Variants in NARS1 observed in about 807,000 individuals in gnomAD.
The protein encoded by NARS1 is asparagine--tRNA ligase, cytoplasmic.
Under a neutral mutation model 79.2 loss-of-function variants are expected in NARS1, and 65 were observed. That is an observed-to-expected ratio of 0.82 (90% CI 0.67 to 1.01). The LOEUF is 1.01. Ranked by LOEUF, NARS1 falls within the 50% of genes least tolerant of loss-of-function variation. The probability of loss-of-function intolerance (pLI) is 0.00; values close to 1 mark genes in which losing one functional copy is unlikely to be tolerated. For synonymous variants in NARS1, 229 were observed against 238.8 expected (o/e 0.96, Z 0.38); for missense variants, 649 against 673.8 (o/e 0.96, Z 0.41).
intron 11 of NARS1, among the ~76,000 whole-genome samples, chr18:57,605,610 C>CAAAAAAA (rs11285116): frequency 9.1e-6 from 1 of 109,656 alleles, no homozygotes; most frequent in Admixed American, 9.9e-5. Flanking sequence ...GACTCCGTCT[C>CAAAAAAA]AAAAAAAAAA....
intron 4 of NARS1, 89 bp downstream of exon 4, chr18:57,615,552 G>T: frequency 1.2e-6 from 1 of 845,194 alleles, no homozygotes. Context: ...AAATGTAAAG[G>T]AACAAACCAT....
chr18:57,608,205 C>T (rs1033759257), intron 7 of NARS1, among the ~76,000 whole-genome samples: 3 of 151,924 alleles, frequency 2.0e-5, no homozygotes, highest in African/African-American at 4.8e-5. Flanking sequence ...TGTCTGGGCA[C>T]GGTGGCTCAC....
intron 2 of NARS1, among the ~76,000 whole-genome samples, chr18:57,619,065 C>T (rs191199626): frequency 6.6e-6 from 1 of 152,064 alleles, no homozygotes; most frequent in African/African-American, 2.4e-5. Context: ...AGGGGATGCA[C>T]AGAAAAAGGA....
intron 6 of NARS1, among the ~76,000 whole-genome samples, chr18:57,610,884 TAAC>T (rs1458015005): frequency 2.6e-5 from 4 of 151,868 alleles, no homozygotes; most frequent in Admixed American, 2.6e-4. Flanking sequence ...TACGAACTGA[TAAC>T]AAGAATCTGG....
intron 5 of NARS1, 141 bp from the exon 6 acceptor site, chr18:57,611,848 T>C: frequency 3.0e-6 from 1 of 338,568 alleles, no homozygotes; most frequent in Non-Finnish European, 5.3e-6. Context: ...CTGCAGCCTC[T>C]ACCTCCTGGG....
chr18:57,605,231 T>C (rs1335361663), intron 11 of NARS1, among the ~76,000 whole-genome samples: 1 of 151,480 alleles, frequency 6.6e-6, no homozygotes, highest in African/African-American at 2.4e-5. Context: ...TAGAGAATGA[T>C]AAAGAGAGCT....
chr18:57,618,202 T>C (rs1181824224), intron 2 of NARS1, among the ~76,000 whole-genome samples: 1 of 150,666 alleles, frequency 6.6e-6, no homozygotes, highest in Non-Finnish European at 1.5e-5. Flanking sequence ...GCAGGGAGAA[T>C]TGCTTGAACC....
At chr18:57,612,665 A>G (rs1166882601) in intron 5 of NARS1, among the ~76,000 whole-genome samples, 6 of 152,168 alleles carry the variant, frequency 3.9e-5, no homozygotes, top group Non-Finnish European at 8.8e-5. Context: ...TGAACTCCTG[A>G]CCTCAGGCGA....
rs1360721640 is a variant in NARS1, at chr18:57,600,670, G to C, written c.*982C>G. On this transcript the variant is annotated 3_prime_UTR_variant, in exon 14 of 14. Transcript: ENST00000256854. ...AAGCCAGCAAAGAGTTTTTACGGGT[G>C]TTCATTTATTGACTGCTGGGAATAC... 6.6e-6 allele frequency: 1 copy of C among 152,196 alleles called. No homozygotes were observed. Among genetic ancestry groups the C allele is most frequent in the Non-Finnish European group, 1.5e-5 (1 of 68,022 alleles). 9.4% of individuals were successfully genotyped at this position (152,196 alleles called of 1,614,324 possible).
Position 57,611,706 on chromosome 18 carries a change from T to C in NARS1, c.423A>G (p.Gly141=), listed in dbSNP as rs146498109. ...GCAACACCAGAAACATTAAATTCTT[T>C]CCTAAAAAATGAGAAATAATAATTT... ...FGWVHRLRRQ[G]KNLMFLVLRD... is the part of the protein sequence containing the mutation. The change falls in exon 6 of 14, where the codon GGA becomes GGG. Residue 141 remains glycine, a splice_region_variant and synonymous_variant. Transcript: ENST00000256854. The C allele has an allele frequency of 2.9e-5, 46 of 1,571,746 alleles. No homozygotes were observed. The highest frequency in any genetic ancestry group is 3.6e-5 in the Non-Finnish European group (42 of 1,155,956).
intron 2 of NARS1, 23 bp downstream of exon 2, chr18:57,620,546 T>C: frequency 6.6e-7 from 1 of 1,508,974 alleles, no homozygotes; most frequent in Non-Finnish European, 9.1e-7. Context: ...CAGTCTCATT[T>C]TCCTAATGAG....
At chr18:57,609,942 G>A (rs1023693075) in intron 6 of NARS1, among the ~76,000 whole-genome samples, 1 of 152,112 alleles carries the variant, frequency 6.6e-6, no homozygotes, top group African/African-American at 2.4e-5. Flanking sequence ...AACTACTCGG[G>A]AGGCTGAGGT....
intron 4 of NARS1, among the ~76,000 whole-genome samples, chr18:57,614,471 A>C (rs1165977273): frequency 6.6e-6 from 1 of 152,190 alleles, no homozygotes; most frequent in Admixed American, 6.6e-5. Context: ...ACTGCACTCC[A>C]GCCTGGGTGA....
rs2051515099 is a variant in NARS1, at chr18:57,602,382, G to A, written c.1488C>T (p.Pro496=). 1 of 1,613,738 alleles carries A rather than the reference G, an allele frequency of 6.2e-7. No individual in the cohort carries two copies. The highest frequency in any genetic ancestry group is 1.7e-5 in the Admixed American group (1 of 59,974). The change falls in exon 13 of 14, where the codon CCC becomes CCT. Residue 496 remains proline, a synonymous_variant. Transcript: ENST00000256854. ...GATCCGTATACCAGTAATAGGGAGT[G>A]GGGTCAATCCCTTCCCTTTTATAAC... is the stretch of plus-strand genomic sequence containing the variant. ...LAGYKREGID[P]TPYYWYTDQR... is the part of the protein sequence containing the mutation.
intron 11 of NARS1, among the ~76,000 whole-genome samples, chr18:57,604,434 G>C (rs1347899147): frequency 6.6e-6 from 1 of 150,978 alleles, no homozygotes; most frequent in Admixed American, 6.6e-5. Flanking sequence ...ACAGAAACAA[G>C]AGTGCTTTAC....
At chr18:57,616,782 C>G (rs904197621) in intron 2 of NARS1, among the ~76,000 whole-genome samples, 2 of 151,770 alleles carry the variant, frequency 1.3e-5, no homozygotes, top group Non-Finnish European at 2.9e-5. Flanking sequence ...GAGGGAGGAT[C>G]ACCAGGTCAG....
At chr18:57,615,762 T>G (rs532644400) in intron 3 of NARS1, 32 bp from the exon 4 acceptor site, 1 of 1,610,346 alleles carries the variant, frequency 6.2e-7, no homozygotes, top group South Asian at 1.1e-5. Context: ...TTTGTTAACA[T>G]GGTTGCCAGA....
At chr18:57,606,555 A>G in intron 10 of NARS1, 61 bp downstream of exon 10, 1 of 1,530,902 alleles carries the variant, frequency 6.5e-7, no homozygotes, top group Non-Finnish European at 8.9e-7. Flanking sequence ...CTGAGGGTGA[A>G]GACTTCATTG....
rs1163725756 is a variant in NARS1 at position 57,601,041 on chromosome 18, A to G, written c.*611T>C. On this transcript the variant is annotated 3_prime_UTR_variant, in exon 14 of 14. Coordinates refer to ENST00000256854, the MANE Select transcript of NARS1 (RefSeq NM_004539.4). The stretch of plus-strand genomic sequence containing the variant: ...CTTTAAGGCAATTCTATTTTTACAA[A>G]TTCTTCAATTTCTATGCCTCAGGAT... 1 of 152,218 alleles carries G rather than the reference A, an allele frequency of 6.6e-6. No individual in the cohort carries two copies. Among genetic ancestry groups the G allele is most frequent in the African/African-American group, 2.4e-5 (1 of 41,462 alleles). The allele number at this position is 152,218 out of a possible 1,614,324, so 9.4% of individuals were successfully genotyped here.
Sources: allele counts gnomAD v4.1 joint callset (sites outside exome capture counted in the v4.1 genomes callset), GRCh38; gene constraint gnomAD v4.1.1; transcripts MANE v1.5; gene names NCBI Gene and HGNC (gene_info 2026-07-23, HGNC 2026-07-21).